Variants in LRBA observed in about 807,000 individuals in gnomAD.
LRBA encodes the protein LPS responsive beige-like anchor protein, also known as lipopolysaccharide-responsive and beige-like anchor protein.
Under a neutral mutation model 330.0 loss-of-function variants are expected in LRBA, and 176 were observed. The observed-to-expected ratio is 0.53, with a 90% CI of 0.47 to 0.60. The LOEUF (loss-of-function observed/expected upper bound fraction) is 0.60. LRBA is among the 20% of genes least tolerant of loss of function. LRBA has a pLI of 0.00. For missense variants in LRBA, 3,259 were observed against 3,444.8 expected (o/e 0.95, Z 1.35); for synonymous variants, 1,230 against 1,193.0 (o/e 1.03, Z -0.64).
At chr4:150,535,965 TA>T (rs1376477599) in intron 40 of LRBA, among the ~76,000 whole-genome samples, 1 of 152,166 alleles carries the variant, frequency 6.6e-6, no homozygotes, top group South Asian at 2.1e-4. Context: ...ATAGTTCACC[TA>T]AAAATATTTA....
At chr4:150,694,908 A>G (rs1318339902) in intron 36 of LRBA, among the ~76,000 whole-genome samples, 1 of 152,174 alleles carries the variant, frequency 6.6e-6, no homozygotes, top group Non-Finnish European at 1.5e-5. Flanking sequence ...AACTTGTTTC[A>G]AATGCTTTTT....
intron 44 of LRBA, among the ~76,000 whole-genome samples, chr4:150,460,542 T>C (rs1263641719): frequency 1.3e-5 from 2 of 151,828 alleles, no homozygotes; most frequent in Non-Finnish European, 1.5e-5. Flanking sequence ...CATTGTAACA[T>C]AGGTTTAAAA....
At chr4:150,917,450 A>AG (rs1279382712) in intron 5 of LRBA, among the ~76,000 whole-genome samples, 3 of 152,186 alleles carry the variant, frequency 2.0e-5, no homozygotes, top group Admixed American at 2.0e-4. Context: ...AAGAGAGAAG[A>AG]GAAAAACTGG....
At chr4:151,005,560 TCTTTTTTTTTTTGG>T (rs1743957384) in intron 2 of LRBA, among the ~76,000 whole-genome samples, 1 of 145,398 alleles carries the variant, frequency 6.9e-6, no homozygotes, top group African/African-American at 2.6e-5. Flanking sequence ...ATGACACTGT[TCTTTTTTTTTTTGG>T]AGACAGAGTC....
intron 35 of LRBA, among the ~76,000 whole-genome samples, chr4:150,757,853 C>T (rs1244648313): frequency 4.6e-5 from 7 of 151,888 alleles, no homozygotes; most frequent in Admixed American, 2.0e-4. Flanking sequence ...ATTTCAAACA[C>T]GTAAAAGATA....
chr4:150,644,087 T>TA (rs1398135367), intron 37 of LRBA, among the ~76,000 whole-genome samples: 1 of 151,858 alleles, frequency 6.6e-6, no homozygotes, highest in Admixed American at 6.6e-5. Flanking sequence ...TATTAAAACA[T>TA]AAAAAAGAGA....
intron 50 of LRBA, among the ~76,000 whole-genome samples, chr4:150,319,779 A>AT (rs1282920791): frequency 4.6e-5 from 7 of 152,258 alleles, no homozygotes; most frequent in African/African-American, 1.4e-4. Flanking sequence ...TGTGGTAGGT[A>AT]TACCTTATTG....
intron 47 of LRBA, among the ~76,000 whole-genome samples, chr4:150,352,469 TA>T (rs1737309161): frequency 1.3e-5 from 2 of 152,216 alleles, no homozygotes; most frequent in Admixed American, 1.3e-4. Context: ...AAGTATACTT[TA>T]AATGAAATAT....
At chr4:150,521,832 T>C (rs1762949976) in intron 40 of LRBA, among the ~76,000 whole-genome samples, 1 of 152,230 alleles carries the variant, frequency 6.6e-6, no homozygotes, top group South Asian at 2.1e-4. Flanking sequence ...AAAGGTGATG[T>C]ATCAATCTCA....
At chr4:150,431,402 A>T (rs1750357649) in intron 46 of LRBA, among the ~76,000 whole-genome samples, 1 of 152,186 alleles carries the variant, frequency 6.6e-6, no homozygotes, top group Non-Finnish European at 1.5e-5. Context: ...CTATCCCTTG[A>T]TGTGATTCCA....
chr4:150,599,812 T>G (rs1319158997), intron 37 of LRBA, among the ~76,000 whole-genome samples: 1 of 152,234 alleles, frequency 6.6e-6, no homozygotes, highest in African/African-American at 2.4e-5. Context: ...TTCCATTTAC[T>G]GTTTTTAAAT....
At chr4:150,876,859 A>C (rs1180015506) in intron 17 of LRBA, among the ~76,000 whole-genome samples, 7 of 152,204 alleles carry the variant, frequency 4.6e-5, no homozygotes, top group Non-Finnish European at 1.0e-4. Flanking sequence ...TCACATATCA[A>C]TATTAACTAT....
rs555936375 is a variant in LRBA at position 150,278,895 on chromosome 4, G to A, written c.8317-891C>T. Reference sequence around the variant, plus strand: ...GCTGGAGTGCAGTGGCGCAGTCTCAGCTCACTACAATCTCCACCTCTCAGG... The same window carrying A: ...GCTGGAGTGCAGTGGCGCAGTCTCAACTCACTACAATCTCCACCTCTCAGG... On this transcript the variant is annotated intron_variant, in intron 55 of 56. Transcript: ENST00000651943. Among the ~76,000 whole-genome samples, 4 of 151,820 alleles carry A rather than the reference G, an allele frequency of 2.6e-5. No individual in the cohort carries two copies. In the South Asian group the frequency reaches 8.3e-4, roughly 32 times the overall value.
chr4:150,960,313 T>A (rs1738005709), intron 2 of LRBA, among the ~76,000 whole-genome samples: 1 of 148,610 alleles, frequency 6.7e-6, no homozygotes. Flanking sequence ...AGCCAAATCT[T>A]CTGGAATCAA....
Position 150,906,005 on chromosome 4 carries a change from G to T in LRBA, c.1603-15C>A. On this transcript the variant is annotated splice_polypyrimidine_tract_variant and intron_variant, in intron 12 of 56. Coordinates refer to ENST00000651943, the MANE Select transcript of LRBA (RefSeq NM_001364905.1). ...GATTTGGAAGACTGCAAAAAAAGTA[G>T]TTCAAATGTTACCACAAATTCAAGT... 1.2e-6 allele frequency: 2 copies of T among 1,608,612 alleles called. No homozygotes were observed. The highest frequency in any genetic ancestry group is 1.7e-6 in the Non-Finnish European group (2 of 1,176,156).
intron 2 of LRBA, among the ~76,000 whole-genome samples, chr4:150,982,838 T>G (rs1741009046): frequency 6.6e-6 from 1 of 152,168 alleles, no homozygotes. Context: ...AGCCATAAAT[T>G]CACTGAGCTG....
chr4:150,506,556 T>C (rs1445692953), intron 40 of LRBA, among the ~76,000 whole-genome samples: 1 of 152,094 alleles, frequency 6.6e-6, no homozygotes, highest in Non-Finnish European at 1.5e-5. Context: ...CTCAATAAAT[T>C]AGGTATTAAT....
intron 9 of LRBA, among the ~76,000 whole-genome samples, chr4:150,910,967 C>T (rs918911905): frequency 7.9e-5 from 12 of 151,996 alleles, no homozygotes; most frequent in South Asian, 2.1e-4. Flanking sequence ...AAATTGTTTG[C>T]GTAATTTTCA....
chr4:150,334,759 A>C (rs1734420563), intron 48 of LRBA, among the ~76,000 whole-genome samples: 1 of 143,260 alleles, frequency 7.0e-6, no homozygotes, highest in Non-Finnish European at 1.5e-5. Flanking sequence ...GAAAAAATCT[A>C]AAAGACAATT....
Sources: allele counts gnomAD v4.1 joint callset (sites outside exome capture counted in the v4.1 genomes callset), GRCh38; gene constraint gnomAD v4.1.1; transcripts MANE v1.5; gene names NCBI Gene and HGNC (gene_info 2026-07-23, HGNC 2026-07-21).